The following PPP3CC variants were observed in gnomAD, a reference collection of about 807,000 sequenced individuals.
PPP3CC encodes protein phosphatase 3 catalytic subunit gamma.
Under a neutral mutation model 60.3 loss-of-function variants are expected in PPP3CC, and 35 were observed. That is an observed-to-expected ratio of 0.58 (90% CI 0.44 to 0.77). The LOEUF (loss-of-function observed/expected upper bound fraction) is 0.77. Among genes scored for constraint, PPP3CC ranks in the 30% least tolerant of loss-of-function variants. The probability of loss-of-function intolerance (pLI) is 0.00; values close to 1 mark genes in which losing one functional copy is unlikely to be tolerated. For synonymous variants in PPP3CC, 206 were observed against 224.3 expected (o/e 0.92, Z 0.73); for missense variants, 570 against 628.9 (o/e 0.91, Z 1.00).
rs758988316 is a variant in PPP3CC, at chr8:22,528,530, T to C, written c.1094T>C (p.Leu365Pro). 6.4e-7 allele frequency: 1 copy of C among 1,558,366 alleles called. No individual in the cohort carries two copies. The highest frequency in any genetic ancestry group is 8.7e-7 in the Non-Finnish European group (1 of 1,147,460). The change falls in exon 10 of 14, where the codon CTC becomes CCC. Residue 365 changes from leucine to proline, a missense_variant. By Grantham distance (98) the Leu-to-Pro change is moderately conservative. Transcript: ENST00000240139. ...GTCACAGAGATGCTGGTAAATGTGC[T>C]CAACATATGCTCTGATGACGAACTG... ...EKVTEMLVNV[L>P]NICSDDELIS...
intron 3 of PPP3CC, among the ~76,000 whole-genome samples, chr8:22,477,595 C>A (rs1586814035): frequency 6.6e-6 from 1 of 152,070 alleles, no homozygotes; most frequent in East Asian, 1.9e-4. Context: ...TAGAAGAATA[C>A]AAAAATTACT....
At chr8:22,481,347 AT>A (rs996327967) in intron 3 of PPP3CC, among the ~76,000 whole-genome samples, 9 of 46,932 alleles carry the variant, frequency 1.9e-4, no homozygotes, top group African/African-American at 4.8e-4. Flanking sequence ...AGAAAAATAA[AT>A]AATAATAATA....
intron 12 of PPP3CC, among the ~76,000 whole-genome samples, chr8:22,536,550 T>C (rs540752571): frequency 3.9e-5 from 6 of 152,240 alleles, no homozygotes; most frequent in Non-Finnish European, 7.3e-5. Flanking sequence ...CCCCAAAGTA[T>C]GAGTTGAATA....
chr8:22,513,494 T>G, intron 6 of PPP3CC, 62 bp downstream of exon 6: 1 of 1,468,728 alleles, frequency 6.8e-7, no homozygotes, highest in Non-Finnish European at 9.1e-7. Context: ...TATCAGATGA[T>G]TTTTCAGCAT....
At chr8:22,539,771 G>A (rs986444702) in intron 13 of PPP3CC, among the ~76,000 whole-genome samples, 2 of 152,178 alleles carry the variant, frequency 1.3e-5, no homozygotes, top group Non-Finnish European at 2.9e-5. Context: ...CTGGTCATGA[G>A]AGGTCAAGTG....
intron 1 of PPP3CC, among the ~76,000 whole-genome samples, chr8:22,470,470 A>G (rs1837688346): frequency 6.6e-6 from 1 of 152,202 alleles, no homozygotes; most frequent in East Asian, 1.9e-4. Flanking sequence ...TAATTGAATT[A>G]TATATTTACA....
At chr8:22,505,662 T>C (rs1367371144) in intron 4 of PPP3CC, among the ~76,000 whole-genome samples, 1 of 152,112 alleles carries the variant, frequency 6.6e-6, no homozygotes, top group East Asian at 1.9e-4. Flanking sequence ...GAGAAGAGCA[T>C]ATAAATTTAT....
chr8:22,489,808 T>C (rs547655652), intron 3 of PPP3CC, among the ~76,000 whole-genome samples: 2 of 145,476 alleles, frequency 1.4e-5, no homozygotes, highest in African/African-American at 5.0e-5. Context: ...TATACATACA[T>C]AACAAATAAA....
intron 3 of PPP3CC, among the ~76,000 whole-genome samples, chr8:22,478,798 G>A (rs1477782945): frequency 6.6e-6 from 1 of 152,140 alleles, no homozygotes; most frequent in Non-Finnish European, 1.5e-5. Context: ...AATTAACAGC[G>A]TTTTTCATAT....
chr8:22,505,442 A>G (rs1027907256), intron 4 of PPP3CC, among the ~76,000 whole-genome samples: 3 of 152,238 alleles, frequency 2.0e-5, no homozygotes, highest in Non-Finnish European at 4.4e-5. Flanking sequence ...TTTTAAAAAA[A>G]TAAATACTGT....
rs186411921 is a variant in PPP3CC, at chr8:22,519,503, T to C, written c.771-2988T>C. Among the ~76,000 whole-genome samples, 96 of 152,338 alleles carry C rather than the reference T, an allele frequency of 6.3e-4. 1 individual carries two copies. Among genetic ancestry groups the C allele is most frequent in the Non-Finnish European group, 2.2e-4 (15 of 68,030 alleles). Reference sequence around the variant, plus strand: ...GGGTATTTTGGTTCTTTTTATCTTTTGTGTATCTACTGTGCTTTTTTGTTC... The same window carrying C: ...GGGTATTTTGGTTCTTTTTATCTTTCGTGTATCTACTGTGCTTTTTTGTTC... On this transcript the variant is annotated intron_variant, in intron 6 of 13. Transcript: ENST00000240139.
chr8:22,519,886 C>T (rs913233657), intron 6 of PPP3CC, among the ~76,000 whole-genome samples: 1 of 152,026 alleles, frequency 6.6e-6, no homozygotes, highest in Non-Finnish European at 1.5e-5. Context: ...TAACTCCTGG[C>T]CTCAAGTGAT....
chr8:22,451,722 G>A (rs1026825101), intron 1 of PPP3CC, among the ~76,000 whole-genome samples: 1 of 151,770 alleles, frequency 6.6e-6, no homozygotes, highest in African/African-American at 2.4e-5. Flanking sequence ...GTGGCTAAGG[G>A]TAGTGACACA....
chr8:22,467,229 T>G (rs1347274860), intron 1 of PPP3CC, among the ~76,000 whole-genome samples: 1 of 152,232 alleles, frequency 6.6e-6, no homozygotes, highest in East Asian at 1.9e-4. Context: ...TATTTATTTA[T>G]GTACTTATGC....
intron 4 of PPP3CC, among the ~76,000 whole-genome samples, chr8:22,509,119 C>A (rs1253304392): frequency 1.3e-5 from 2 of 152,188 alleles, no homozygotes; most frequent in Non-Finnish European, 2.9e-5. Context: ...GAAGGCCTTA[C>A]AACCTCAAGC....
At chr8:22,525,548 C>CTCTT (rs1839534865) in intron 8 of PPP3CC, among the ~76,000 whole-genome samples, 1 of 98,496 alleles carries the variant, frequency 1.0e-5, no homozygotes, top group Non-Finnish European at 2.3e-5. Flanking sequence ...CTCTCCCTCT[C>CTCTT]TCTCTCTCTC....
intron 1 of PPP3CC, among the ~76,000 whole-genome samples, chr8:22,443,565 A>T (rs984494064): frequency 6.6e-6 from 1 of 151,412 alleles, no homozygotes; most frequent in Non-Finnish European, 1.5e-5. Context: ...ATTGCTACGC[A>T]TGCTTATTAT....
At chr8:22,453,601 A>G (rs1004395430) in intron 1 of PPP3CC, among the ~76,000 whole-genome samples, 2 of 152,196 alleles carry the variant, frequency 1.3e-5, no homozygotes, top group Admixed American at 6.5e-5. Context: ...ACATTTGCAT[A>G]TAAGTGAACC....
At chr8:22,493,883 A>T (rs1838483272) in intron 3 of PPP3CC, among the ~76,000 whole-genome samples, 1 of 152,238 alleles carries the variant, frequency 6.6e-6, no homozygotes, top group African/African-American at 2.4e-5. Flanking sequence ...GGTATTATGT[A>T]CTGTACATAA....
Sources: gnomAD v4.1 joint callset for allele counts (sites outside exome capture counted in the v4.1 genomes callset) on GRCh38, gnomAD v4.1.1 for gene constraint, MANE v1.5 for transcripts, NCBI Gene and HGNC (gene_info 2026-07-23, HGNC 2026-07-21) for gene names.